Variants in MKI67 observed in about 807,000 individuals in gnomAD.
MKI67 encodes marker of proliferation Ki-67, also known as proliferation marker protein Ki-67.
MKI67 carries 152 observed loss-of-function variants against 233.5 expected under a neutral mutation model. The ratio of observed to expected loss-of-function variants is 0.65; its 90% CI spans 0.57 to 0.74. The LOEUF (loss-of-function observed/expected upper bound fraction) is 0.74, where lower values mean the gene tolerates loss of function less well. MKI67 is among the 30% of genes least tolerant of loss of function. The pLI, the probability that MKI67 is intolerant of heterozygous loss-of-function variation, is 0.00. For missense variants in MKI67, 3,940 were observed against 3,885.2 expected, an observed-to-expected ratio of 1.01 and a Z score of -0.37; for synonymous variants, 1,465 against 1,418.5, an observed-to-expected ratio of 1.03 and a Z score of -0.74.
chr10:128,125,957 C>T lies in MKI67; in HGVS notation c.-90+142G>A. On this transcript the variant is annotated intron_variant, in intron 1 of 14. Coordinates refer to ENST00000368654, the MANE Select transcript of MKI67 (RefSeq NM_002417.5). This position sits in a 1 kb window ranked among gnomAD's most constrained non-coding sequence, Gnocchi z 5.3. Reference sequence around the variant, plus strand: ...CGCCTGCGCCTCCTGGGAGCTTCCACCGAGACGCCCTCGCCAGAGCCCAGG... The same window carrying T: ...CGCCTGCGCCTCCTGGGAGCTTCCATCGAGACGCCCTCGCCAGAGCCCAGG... The T allele has an allele frequency of 2.3e-6, 1 of 433,514 alleles. No individual in the cohort carries two copies. The highest frequency in any genetic ancestry group is 4.3e-6 in the Non-Finnish European group (1 of 234,656). The allele number at this position is 433,514 out of a possible 1,614,324, so 26.9% of individuals were successfully genotyped here.
At position 128,108,283 on chromosome 10, in the gene MKI67, T is replaced by C. The variant is rs1167171035; in HGVS notation, c.3557A>G (p.Asp1186Gly). 1 of 1,614,114 alleles carries C rather than the reference T, an allele frequency of 6.2e-7. No homozygotes were observed. The highest frequency in any genetic ancestry group is 2.2e-5 in the East Asian group (1 of 44,876). ...TGGAGTTCCCATAAATGCTTTAATG[T>C]CTTTCTCATCACCTCCTGCTGGTTT... ...TPKPAGGDEK[D>G]IKAFMGTPVQ... Residue 1186 changes from aspartate (D) to glycine (G), a missense_variant, in exon 13 of 15, where the codon GAC becomes GGC. Coordinates refer to ENST00000368654, the MANE Select transcript of MKI67 (RefSeq NM_002417.5).
rs1436557686 is a variant in MKI67 at position 128,106,432 on chromosome 10, A to G, written c.5408T>C (p.Val1803Ala). Residue 1803 changes from valine to alanine, a missense_variant, in exon 13 of 15, where the codon GTG (valine) becomes GCG (alanine). Physicochemically the swap from Val to Ala is moderately conservative, Grantham distance 64. Transcript: ENST00000368654. ...ATTTCCTGGCTGGTCCAGTTTCTGCACTGGAGTTCCCAAAAACGTGTTGAT... is the reference window on the plus strand; with the variant it reads ...ATTTCCTGGCTGGTCCAGTTTCTGCGCTGGAGTTCCCAAAAACGTGTTGAT... ...KDINTFLGTP[V>A]QKLDQPGNLP... is the part of the protein sequence containing the mutation. 1 of 1,612,594 alleles carries G rather than the reference A, an allele frequency of 6.2e-7. No individual in the cohort carries two copies. Among genetic ancestry groups the G allele is most frequent in the South Asian group, 1.1e-5 (1 of 91,018 alleles).
rs1852785942 is a variant in MKI67 at position 128,115,632 on chromosome 10, T to C, written c.776A>G (p.Gln259Arg). The C allele has an allele frequency of 1.9e-6, 3 of 1,613,910 alleles. No individual in the cohort carries two copies. The highest frequency in any genetic ancestry group is 2.5e-6 in the Non-Finnish European group (3 of 1,179,996). Residue 259 changes from glutamine (Q) to arginine (R), a missense_variant, in exon 7 of 15, where the codon CAG becomes CGG. Gln to Arg is a conservative substitution (Grantham distance 43). Coordinates refer to ENST00000368654, the MANE Select transcript of MKI67 (RefSeq NM_002417.5). ...DVKSQKENVL[Q>R]YCRKSGLQTD... is the part of the protein sequence containing the mutation. The stretch of plus-strand genomic sequence containing the variant: ...TTGTAATCCAGATTTTCTACAATAC[T>C]GTAGGACATTTTCTTTTTGTGATTT...
rs1213977884 is a variant in MKI67 at position 128,097,244 on chromosome 10, G to C, written c.*1946C>G. The C allele has an allele frequency of 6.6e-6, 1 of 152,190 alleles. No individual in the cohort carries two copies. The highest frequency in any genetic ancestry group is 2.4e-5 in the African/African-American group (1 of 41,438). 9.4% of individuals were successfully genotyped at this position (152,190 alleles called of 1,614,324 possible). A position where few individuals can be genotyped will look rare whatever the true frequency, so the allele number is the denominator to read the frequency against. ...GGGTATTTGTTCTCAAATCCAGTCA[G>C]CCTAGGGGAATGGGCAGTATTTGTC... On this transcript the variant is annotated 3_prime_UTR_variant, in exon 15 of 15. Coordinates refer to ENST00000368654, the MANE Select transcript of MKI67 (RefSeq NM_002417.5).
chr10:128,103,512 T>A lies in MKI67; in HGVS notation c.8328A>T (p.Pro2776=). 6.2e-7 allele frequency: 1 copy of A among 1,613,472 alleles called. No individual in the cohort carries two copies. Among genetic ancestry groups the A allele is most frequent in the Non-Finnish European group, 8.5e-7 (1 of 1,179,790 alleles). ...LKESAKQTPA[P]AASVTGSRRR... ...TCCTGCTGCCAGTTACACTTGCTGC[T>A]GGAGCCGGTGTCTGTTTTGCAGATT... Residue 2776 remains proline, a synonymous_variant, in exon 13 of 15, where the codon CCA becomes CCT. Coordinates refer to ENST00000368654, the MANE Select transcript of MKI67 (RefSeq NM_002417.5).
rs1323049349 is a variant in MKI67 at position 128,105,723 on chromosome 10, G to C, written c.6117C>G (p.Ile2039Met). ...HRETAGDGKSIKAFKESAKQM... is the reference protein window; with the variant it reads ...HRETAGDGKSMKAFKESAKQM... ...GCTTTGCAGATTCCTTAAACGCTTT[G>C]ATGCTCTTTCCATCTCCTGCTGTCT... The change falls in exon 13 of 15, where the codon ATC (isoleucine) becomes ATG (methionine). Residue 2039 changes from isoleucine to methionine, a missense_variant. Physicochemically the swap from Ile to Met is conservative, Grantham distance 10. Coordinates refer to ENST00000368654, the MANE Select transcript of MKI67 (RefSeq NM_002417.5). 1 of 1,614,030 alleles carries C rather than the reference G, an allele frequency of 6.2e-7. No individual in the cohort carries two copies. Among genetic ancestry groups the C allele is most frequent in the African/African-American group, 1.3e-5 (1 of 74,986 alleles).
chr10:128,114,441 T>C (rs931806481), intron 7 of MKI67, among the ~76,000 whole-genome samples: 1 of 152,198 alleles, frequency 6.6e-6, no homozygotes, highest in South Asian at 2.1e-4. Flanking sequence ...GACTCATGGG[T>C]ACAGTCCAGT....
Position 128,107,854 on chromosome 10 carries a change from C to A in MKI67, c.3986G>T (p.Ser1329Ile), listed in dbSNP as rs764078381. The A allele has an allele frequency of 3.5e-5, 57 of 1,612,960 alleles. No individual in the cohort carries two copies. Among genetic ancestry groups the A allele is most frequent in the Non-Finnish European group, 4.3e-5 (51 of 1,179,806 alleles). Residue 1329 changes from serine to isoleucine, a missense_variant, in exon 13 of 15, where the codon AGC (serine) becomes ATC (isoleucine). Physicochemically the swap from Ser to Ile is moderately radical, Grantham distance 142. Transcript: ENST00000368654. ...CTTAGGAGTTTGTGGCCGTCTCTTG[C>A]TGCCGGTTAAGTTCTCTGTCAGGTC... The part of the protein sequence containing the change: ...KLDLTENLTG[S>I]KRRPQTPKEE...
In MKI67 at chr10:128,107,834, G is replaced by A. The variant is rs759170836; in HGVS notation, c.4006C>T (p.Pro1336Ser). The part of the protein sequence containing the change: ...LTGSKRRPQT[P>S]KEEAQALEDL... Reference sequence around the variant, plus strand: ...TCCAGAGCCTGGGCCTCTTCCTTAGGAGTTTGTGGCCGTCTCTTGCTGCCG... The same window carrying A: ...TCCAGAGCCTGGGCCTCTTCCTTAGAAGTTTGTGGCCGTCTCTTGCTGCCG... The change falls in exon 13 of 15, where the codon CCT becomes TCT. Residue 1336 changes from proline to serine, a missense_variant. Coordinates refer to ENST00000368654, the MANE Select transcript of MKI67 (RefSeq NM_002417.5). The A allele has an allele frequency of 6.2e-7, 1 of 1,613,510 alleles. No homozygotes were observed. Among genetic ancestry groups the A allele is most frequent in the Non-Finnish European group, 8.5e-7 (1 of 1,179,904 alleles).
In MKI67 at chr10:128,105,299, G is replaced by T. The variant is rs1441867774; in HGVS notation, c.6541C>A (p.Pro2181Thr). Residue 2181 changes from proline (P) to threonine (T), a missense_variant, in exon 13 of 15, where the codon CCA becomes ACA. Pro to Thr is a conservative substitution (Grantham distance 38). Coordinates refer to ENST00000368654, the MANE Select transcript of MKI67 (RefSeq NM_002417.5). ...TGGGCTTTTCCCTTAGGAGTTCTTG[G>T]CTGCCTCTTGCTACCAGTTACACTT... ...AASVTGSKRQ[P>T]RTPKGKAQPL... 3.1e-6 allele frequency: 5 copies of T among 1,614,080 alleles called. No individual in the cohort carries two copies. In the East Asian group the frequency reaches 6.7e-5, roughly 22 times the overall value.
At chr10:128,110,289 A>T in intron 12 of MKI67, 89 bp downstream of exon 12, 1 of 1,055,980 alleles carries the variant, frequency 9.5e-7, no homozygotes, top group Non-Finnish European at 1.3e-6. Flanking sequence ...CATTTGTTTT[A>T]GAGAAGTAAT....
At position 128,105,805 on chromosome 10, in the gene MKI67, A is replaced by G. The variant is rs761347209; in HGVS notation, c.6035T>C (p.Val2012Ala). ...CTGTGTGAGCTTGCCGACTGGTAGG[A>G]CCTCTTCTTTCACACCTACTTTCCC... The part of the protein sequence containing the change: ...SLGKVGVKEE[V>A]LPVGKLTQTS... Residue 2012 changes from valine (V) to alanine (A), a missense_variant, in exon 13 of 15, where the codon GTC becomes GCC. Val to Ala is a moderately conservative substitution (Grantham distance 64). Transcript: ENST00000368654. 45 of 1,613,378 alleles carry G rather than the reference A, an allele frequency of 2.8e-5. No homozygotes were observed. The highest frequency in any genetic ancestry group is 3.4e-5 in the Non-Finnish European group (40 of 1,179,934).
chr10:128,111,821 A>C lies in MKI67; in HGVS notation c.2089-5T>G, dbSNP rs1408432832. The C allele has an allele frequency of 6.2e-7, 1 of 1,612,454 alleles. No individual in the cohort carries two copies. The highest frequency in any genetic ancestry group is 1.1e-5 in the South Asian group (1 of 90,612). ...GTGAACTTCGCCCACAGGCTTCTGT[A>C]GAAAACAGGAAGGAGGTAAACAGGA... On this transcript the variant is annotated splice_region_variant and splice_polypyrimidine_tract_variant and intron_variant, in intron 10 of 14. Transcript: ENST00000368654.
chr10:128,099,340 CT>C, intron 14 of MKI67, 85 bp from the exon 15 acceptor site: 1 of 1,016,042 alleles, frequency 9.8e-7, no homozygotes, highest in Non-Finnish European at 1.5e-6. Context: ...ACCCCAAAGG[CT>C]TACTAGGTAT....
chr10:128,115,533 G>C lies in MKI67; in HGVS notation c.875C>G (p.Ser292Ter). ...GCCGCTCCCACCAGATTTTGGTCTT[G>C]ACTTACGCGAGACCAACAGTTGGGT... ...GETQLLVSRK[S>*]RPKSGGSGHA... Residue 292 changes from serine (S) to a stop codon, truncating the protein, a stop_gained, in exon 7 of 15, where the codon TCA becomes TGA. Coordinates refer to ENST00000368654, the MANE Select transcript of MKI67 (RefSeq NM_002417.5). LOFTEE classifies it high-confidence loss of function. 6.2e-7 allele frequency: 1 copy of C among 1,614,226 alleles called. No individual in the cohort carries two copies. Among genetic ancestry groups the C allele is most frequent in the South Asian group, 1.1e-5 (1 of 91,080 alleles).
In MKI67 at chr10:128,112,179, C is replaced by A; in HGVS notation, c.1923G>T (p.Met641Ile). 6.2e-7 allele frequency: 1 copy of A among 1,614,220 alleles called. No homozygotes were observed. The highest frequency in any genetic ancestry group is 1.1e-5 in the South Asian group (1 of 91,088). ...ISRSQHDILQ[M>I]ICSKRRSGAS... The stretch of plus-strand genomic sequence containing the variant: ...CACCACTTCTTCTTTTGGAACATAT[C>A]ATCTGTAAAATATCATGTTGACTTC... Residue 641 changes from methionine (M) to isoleucine (I), a missense_variant, in exon 9 of 15, where the codon ATG (methionine) becomes ATT (isoleucine). By Grantham distance (10) the Met-to-Ile change is conservative. Coordinates refer to ENST00000368654, the MANE Select transcript of MKI67 (RefSeq NM_002417.5).
intron 7 of MKI67, 44 bp downstream of exon 7, chr10:128,114,884 T>G (rs1852763939): frequency 6.7e-7 from 1 of 1,484,914 alleles, no homozygotes. Context: ...ACATAGAAGG[T>G]GTTCATCTTT....
Position 128,104,375 on chromosome 10 carries a change from C to G in MKI67, c.7465G>C (p.Val2489Leu), listed in dbSNP as rs1852422270. 1.2e-6 allele frequency: 2 copies of G among 1,614,204 alleles called. No homozygotes were observed. Among genetic ancestry groups the G allele is most frequent in the Non-Finnish European group, 1.7e-6 (2 of 1,180,040 alleles). Reference protein sequence around the residue: ...KQRLKIPLVKVDMKEEPLAVS... With the variant: ...KQRLKIPLVKLDMKEEPLAVS... ...GCTAGGGGCTCTTCTTTCATGTCCA[C>G]TTTCACCAGGGGTATCTTGAGCCTT... The change falls in exon 13 of 15, where the codon GTG becomes CTG. Residue 2489 changes from valine (V) to leucine (L), a missense_variant. Val to Leu is a conservative substitution (Grantham distance 32). Coordinates refer to ENST00000368654, the MANE Select transcript of MKI67 (RefSeq NM_002417.5).
chr10:128,098,182 C>A lies in MKI67; in HGVS notation c.*1008G>T, dbSNP rs545543559. ...ACGAGTTATATCTACAAGTCTGAAG[C>A]TGGAGAAAGATGTCTGGGCTTCAAA... On this transcript the variant is annotated 3_prime_UTR_variant, in exon 15 of 15. Transcript: ENST00000368654. 1 of 152,352 alleles carries A rather than the reference C, an allele frequency of 6.6e-6. No individual in the cohort carries two copies. The highest frequency in any genetic ancestry group is 2.1e-4 in the South Asian group (1 of 4,828). The allele number at this position is 152,352 out of a possible 1,614,324, so 9.4% of individuals were successfully genotyped here. A position where few individuals can be genotyped will look rare whatever the true frequency, so the allele number is the denominator to read the frequency against.
Sources: allele counts gnomAD v4.1 joint callset (sites outside exome capture counted in the v4.1 genomes callset), GRCh38; gene constraint gnomAD v4.1.1; non-coding constraint Gnocchi (gnomAD v3.1); transcripts MANE v1.5; gene names NCBI Gene and HGNC (gene_info 2026-07-23, HGNC 2026-07-21).